Variants in SLC2A13 observed in about 807,000 individuals in gnomAD.
SLC2A13 encodes proton myo-inositol cotransporter.
Under a neutral mutation model 64.4 loss-of-function variants are expected in SLC2A13, and 32 were observed. That is an observed-to-expected ratio of 0.50 (90% confidence interval 0.37 to 0.67). The LOEUF is 0.67. Among genes scored for constraint, SLC2A13 ranks in the 30% least tolerant of loss-of-function variants. The probability of loss-of-function intolerance (pLI) is 0.00; values close to 1 mark genes in which losing one functional copy is unlikely to be tolerated. For missense variants in SLC2A13, 743 were observed against 829.2 expected (o/e 0.90, Z 1.28); for synonymous variants, 338 against 327.1 (o/e 1.03, Z -0.36).
At chr12:39,844,849 A>T (rs1165561456) in intron 6 of SLC2A13, among the ~76,000 whole-genome samples, 1 of 152,044 alleles carries the variant, frequency 6.6e-6, no homozygotes. Flanking sequence ...TAAGTAGTTA[A>T]TTTTTGCTTG....
intron 4 of SLC2A13, among the ~76,000 whole-genome samples, chr12:39,904,918 A>C (rs1490315365): frequency 6.6e-6 from 1 of 152,146 alleles, no homozygotes; most frequent in Non-Finnish European, 1.5e-5. Flanking sequence ...AACATGGTAC[A>C]TGCACACACA....
intron 3 of SLC2A13, among the ~76,000 whole-genome samples, chr12:39,959,995 C>A (rs933640879): frequency 1.3e-5 from 2 of 152,134 alleles, no homozygotes; most frequent in South Asian, 4.1e-4. Flanking sequence ...CCCAGACAGG[C>A]CCCAGTGTGT....
chr12:39,871,775 G>A (rs771788471), intron 5 of SLC2A13, 23 bp downstream of exon 5: 6 of 1,577,382 alleles, frequency 3.8e-6, no homozygotes, highest in South Asian at 1.2e-5. Flanking sequence ...GTTTATAATT[G>A]AATTCTTTAT....
chr12:39,987,152 C>G (rs2136159743), intron 3 of SLC2A13, among the ~76,000 whole-genome samples: 1 of 152,180 alleles, frequency 6.6e-6, no homozygotes, highest in East Asian at 1.9e-4. Flanking sequence ...AGAAAACAAA[C>G]CTATAGCTTC....
At chr12:39,801,452 A>G (rs1284521755) in intron 7 of SLC2A13, among the ~76,000 whole-genome samples, 1 of 152,092 alleles carries the variant, frequency 6.6e-6, no homozygotes, top group Non-Finnish European at 1.5e-5. Context: ...AGAGAAAATG[A>G]CAATCTGCTT....
intron 4 of SLC2A13, among the ~76,000 whole-genome samples, chr12:39,899,628 A>G (rs1380778862): frequency 6.6e-6 from 1 of 151,234 alleles, no homozygotes; most frequent in Non-Finnish European, 1.5e-5. Flanking sequence ...AGTGCTATAA[A>G]TTTCCCTCTA....
At chr12:40,038,088 A>G (rs1948020310) in intron 2 of SLC2A13, among the ~76,000 whole-genome samples, 1 of 152,198 alleles carries the variant, frequency 6.6e-6, no homozygotes, top group African/African-American at 2.4e-5. Context: ...AACTTAGATC[A>G]CTGACTTTAA....
chr12:39,969,320 T>C (rs1050045117), intron 3 of SLC2A13, among the ~76,000 whole-genome samples: 1 of 152,204 alleles, frequency 6.6e-6, no homozygotes, highest in Non-Finnish European at 1.5e-5. Flanking sequence ...TACCCAGTAA[T>C]GGGATTGCTG....
intron 2 of SLC2A13, among the ~76,000 whole-genome samples, chr12:40,030,286 C>T (rs1228036810): frequency 6.6e-6 from 1 of 152,092 alleles, no homozygotes; most frequent in Non-Finnish European, 1.5e-5. Flanking sequence ...GAGATCAGCT[C>T]ACAAAAATAT....
intron 1 of SLC2A13, among the ~76,000 whole-genome samples, chr12:40,084,432 G>A (rs1232216151): frequency 1.3e-5 from 2 of 152,178 alleles, no homozygotes; most frequent in Non-Finnish European, 2.9e-5. Context: ...TCAGCAAGAT[G>A]TCTTAAATAA....
At chr12:40,072,072 ACTG>A (rs1449534076) in intron 1 of SLC2A13, among the ~76,000 whole-genome samples, 1 of 152,098 alleles carries the variant, frequency 6.6e-6, no homozygotes, top group African/African-American at 2.4e-5. Flanking sequence ...ATTTAAAAGC[ACTG>A]CTTTCAGTGA....
At chr12:39,907,195 C>T (rs1368567352) in intron 4 of SLC2A13, among the ~76,000 whole-genome samples, 1 of 152,088 alleles carries the variant, frequency 6.6e-6, no homozygotes, top group Admixed American at 6.6e-5. Flanking sequence ...AAGAAAGCCA[C>T]TTATTAGCTC....
intron 9 of SLC2A13, among the ~76,000 whole-genome samples, chr12:39,762,382 TA>T (rs1429763109): frequency 2.5e-5 from 3 of 121,230 alleles, no homozygotes; most frequent in Non-Finnish European, 5.6e-5. Flanking sequence ...AGTTCCAGAT[TA>T]AAACAACTAT....
At chr12:40,050,390 C>T (rs968960825) in intron 1 of SLC2A13, among the ~76,000 whole-genome samples, 1 of 152,138 alleles carries the variant, frequency 6.6e-6, no homozygotes, top group African/African-American at 2.4e-5. Flanking sequence ...CAGGTATGTC[C>T]TCAGACCCTG....
chr12:39,829,097 A>T (rs904843398), intron 7 of SLC2A13, among the ~76,000 whole-genome samples: 2 of 152,146 alleles, frequency 1.3e-5, no homozygotes, highest in Non-Finnish European at 2.9e-5. Flanking sequence ...ATATTCTTTT[A>T]TAGGAATTTA....
At chr12:39,948,160 T>C (rs1188912693) in intron 4 of SLC2A13, among the ~76,000 whole-genome samples, 2 of 152,150 alleles carry the variant, frequency 1.3e-5, no homozygotes, top group African/African-American at 4.8e-5. Context: ...TTCAGTTGCA[T>C]GTTGAAATTA....
At chr12:39,906,270 C>A (rs1367811220) in intron 4 of SLC2A13, among the ~76,000 whole-genome samples, 1 of 152,056 alleles carries the variant, frequency 6.6e-6, no homozygotes, top group Non-Finnish European at 1.5e-5. Flanking sequence ...CAAATTACTA[C>A]CTGAATTATT....
intron 3 of SLC2A13, among the ~76,000 whole-genome samples, chr12:39,952,520 G>A (rs557803561): frequency 1.3e-5 from 2 of 152,266 alleles, no homozygotes; most frequent in African/African-American, 4.8e-5. Flanking sequence ...AGTATGGGAC[G>A]TCAAGCCAGG....
At chr12:39,887,020 G>C (rs1337903174) in intron 4 of SLC2A13, among the ~76,000 whole-genome samples, 1 of 152,112 alleles carries the variant, frequency 6.6e-6, no homozygotes, top group Non-Finnish European at 1.5e-5. Flanking sequence ...TAACTCAACA[G>C]AATAGCTCTA....
Sources: allele counts gnomAD v4.1 joint callset (sites outside exome capture counted in the v4.1 genomes callset), GRCh38; gene constraint gnomAD v4.1.1; transcripts MANE v1.5; gene names NCBI Gene and HGNC (gene_info 2026-07-23, HGNC 2026-07-21).